The following PRSS8 variants were observed in gnomAD, a reference collection of about 807,000 sequenced individuals.
PRSS8 encodes prostasin.
A neutral mutation model predicts 26.7 loss-of-function variants in PRSS8; 11 were observed. That is an observed-to-expected ratio of 0.41 (90% CI 0.26 to 0.68). The LOEUF (loss-of-function observed/expected upper bound fraction) is 0.68, where lower values mean the gene tolerates loss of function less well. PRSS8 is among the 30% of genes least tolerant of loss of function. The pLI is 0.30. For synonymous variants in PRSS8, 183 were observed against 187.0 expected (o/e 0.98, Z 0.17); for missense variants, 362 against 443.5 (o/e 0.82, Z 1.65).
rs1290657278 is a variant in PRSS8, at chr16:31,132,714, G to C, written c.506C>G (p.Thr169Ser). Residue 169 changes from threonine (T) to serine (S), a missense_variant, in exon 4 of 6, where the codon ACT (threonine) becomes AGT (serine). By Grantham distance (58) the Thr-to-Ser change is moderately conservative. Coordinates refer to ENST00000317508, the MANE Select transcript of PRSS8 (RefSeq NM_002773.5). The surrounding 1 kb of genome is among the most constrained non-coding windows in gnomAD (Gnocchi z 5.2). ...GGCCACATGACCCCAGCCAGTGACA[G>C]TGCAGTGGAGGCCGTTGGGGAAGGA... Reference protein sequence around the residue: ...NASFPNGLHCTVTGWGHVAPS... With the variant: ...NASFPNGLHCSVTGWGHVAPS... 6.2e-7 allele frequency: 1 copy of C among 1,614,020 alleles called. No homozygotes were observed. Among genetic ancestry groups the C allele is most frequent in the East Asian group, 2.2e-5 (1 of 44,886 alleles).
intron 2 of PRSS8, 186 bp downstream of exon 2, chr16:31,134,968 G>C: frequency 1.5e-6 from 1 of 669,780 alleles, no homozygotes; most frequent in Non-Finnish European, 2.5e-6. Context: ...TTCACTGGCA[G>C]TGTGCCCTGG....
In PRSS8 at chr16:31,133,512, G is replaced by C; in HGVS notation, c.104-124C>G. 1 of 1,214,938 alleles carries C rather than the reference G, an allele frequency of 8.2e-7. No homozygotes were observed. Among genetic ancestry groups the C allele is most frequent in the African/African-American group, 1.5e-5 (1 of 66,296 alleles). The allele number at this position is 1,214,938 out of a possible 1,614,324, so 75.3% of individuals were successfully genotyped here. A position where few individuals can be genotyped will look rare whatever the true frequency, so the allele number is the denominator to read the frequency against. ...GTCAACACCCCTTTGTCCCCTCCCA[G>C]GCATGGGCAGTTGTGCCCCTTCTGT... On this transcript the variant is annotated intron_variant, in intron 2 of 5. Coordinates refer to ENST00000317508, the MANE Select transcript of PRSS8 (RefSeq NM_002773.5). The surrounding 1 kb of genome is among the most constrained non-coding windows in gnomAD (Gnocchi z 4.7).
Position 31,133,514 on chromosome 16 carries a change from C to T in PRSS8, c.104-126G>A. On this transcript the variant is annotated intron_variant, in intron 2 of 5. Coordinates refer to ENST00000317508, the MANE Select transcript of PRSS8 (RefSeq NM_002773.5). This position sits in a 1 kb window ranked among gnomAD's most constrained non-coding sequence, Gnocchi z 4.7. ...CAACACCCCTTTGTCCCCTCCCAGGCATGGGCAGTTGTGCCCCTTCTGTCC... is the reference window on the plus strand; with the variant it reads ...CAACACCCCTTTGTCCCCTCCCAGGTATGGGCAGTTGTGCCCCTTCTGTCC... 3 of 1,212,214 alleles carry T rather than the reference C, an allele frequency of 2.5e-6. No individual in the cohort carries two copies. The highest frequency in any genetic ancestry group is 2.3e-6 in the Non-Finnish European group (2 of 878,018). 75.1% of individuals were successfully genotyped at this position (1,212,214 alleles called of 1,614,324 possible).
chr16:31,135,494 G>A lies in PRSS8; in HGVS notation c.5C>T (p.Ala2Val). MAQKGVLGPGQL... is the reference protein window; with the variant it reads MVQKGVLGPGQL... ...CCCAGGCCCCAGGACCCCCTTCTGG[G>A]CCATGGCCCAGGACAAGGGCCCCTG... Residue 2 changes from alanine to valine, a missense_variant, in exon 1 of 6, where the codon GCC becomes GTC. Coordinates refer to ENST00000317508, the MANE Select transcript of PRSS8 (RefSeq NM_002773.5). The A allele has an allele frequency of 6.4e-7, 1 of 1,562,018 alleles. No homozygotes were observed.
rs781276370 is a variant in PRSS8 at position 31,133,789 on chromosome 16, C to T, written c.104-401G>A. Among the ~76,000 whole-genome samples, 1 of 152,194 alleles carries T rather than the reference C, an allele frequency of 6.6e-6. No homozygotes were observed. Among genetic ancestry groups the T allele is most frequent in the Non-Finnish European group, 1.5e-5 (1 of 68,032 alleles). ...ACATCAGGCCACACACTTGTTTACC[C>T]GGGACCTTGGCTGATCCAGGTCACT... On this transcript the variant is annotated intron_variant, in intron 2 of 5. Transcript: ENST00000317508. The surrounding 1 kb of genome is among the most constrained non-coding windows in gnomAD (Gnocchi z 4.7).
rs1209458884 is a variant in PRSS8 at position 31,132,199 on chromosome 16, A to G, written c.842T>C (p.Ile281Thr). 1 of 1,613,872 alleles carries G rather than the reference A, an allele frequency of 6.2e-7. No homozygotes were observed. The highest frequency in any genetic ancestry group is 8.5e-7 in the Non-Finnish European group (1 of 1,179,850). ...YTLASSYASWIQSKVTELQPR... is the reference protein window; with the variant it reads ...YTLASSYASWTQSKVTELQPR... ...CTGGAGTTCTGTCACCTTGCTTTGG[A>G]TCCAGGAGGCATAGCTGGAGGCCAG... Residue 281 changes from isoleucine (I) to threonine (T), a missense_variant, in exon 6 of 6, where the codon ATC becomes ACC. Ile to Thr is a moderately conservative substitution (Grantham distance 89). Coordinates refer to ENST00000317508, the MANE Select transcript of PRSS8 (RefSeq NM_002773.5). This position sits in a 1 kb window ranked among gnomAD's most constrained non-coding sequence, Gnocchi z 5.2.
In PRSS8 at chr16:31,132,100, G is replaced by C; in HGVS notation, c.941C>G (p.Ser314Cys). ...NLCGSHLAFSSAPAQGLLRPI... is the reference protein window; with the variant it reads ...NLCGSHLAFSCAPAQGLLRPI... ...CCTCAGCAAGCCCTGGGCTGGGGCAGAGCTGAAGGCCAGGTGGCTGCCACA... is the reference window on the plus strand; with the variant it reads ...CCTCAGCAAGCCCTGGGCTGGGGCACAGCTGAAGGCCAGGTGGCTGCCACA... The change falls in exon 6 of 6, where the codon TCT (serine) becomes TGT (cysteine). Residue 314 changes from serine to cysteine, a missense_variant. Coordinates refer to ENST00000317508, the MANE Select transcript of PRSS8 (RefSeq NM_002773.5). This position sits in a 1 kb window ranked among gnomAD's most constrained non-coding sequence, Gnocchi z 5.2. The C allele has an allele frequency of 6.2e-7, 1 of 1,611,272 alleles. No individual in the cohort carries two copies. Among genetic ancestry groups the C allele is most frequent in the Non-Finnish European group, 8.5e-7 (1 of 1,178,754 alleles).
chr16:31,135,116 C>T (rs765698474), intron 2 of PRSS8, 38 bp downstream of exon 2: 3 of 1,607,480 alleles, frequency 1.9e-6, no homozygotes, highest in Non-Finnish European at 2.6e-6. Flanking sequence ...TCCAAGTCAC[C>T]TCCCCCTCCC....
rs1300413852 is a variant in PRSS8, at chr16:31,131,945, C to T, written c.*64G>A. 2 of 1,453,488 alleles carry T rather than the reference C, an allele frequency of 1.4e-6. No homozygotes were observed. The highest frequency in any genetic ancestry group is 1.4e-5 in the African/African-American group (1 of 70,250). 90.0% of individuals were successfully genotyped at this position (1,453,488 alleles called of 1,614,324 possible). On this transcript the variant is annotated 3_prime_UTR_variant, in exon 6 of 6. Transcript: ENST00000317508. Reference sequence around the variant, plus strand: ...CAAGTCAGGCCCTGGGTCCAAAGGCCATCAGGGAAGGACCAGGCTCCTGTC... The same window carrying T: ...CAAGTCAGGCCCTGGGTCCAAAGGCTATCAGGGAAGGACCAGGCTCCTGTC...
In PRSS8 at chr16:31,133,501, G is replaced by T; in HGVS notation, c.104-113C>A. The T allele has an allele frequency of 7.5e-7, 1 of 1,330,236 alleles. No homozygotes were observed. Among genetic ancestry groups the T allele is most frequent in the Non-Finnish European group, 1.0e-6 (1 of 977,778 alleles). 82.4% of individuals were successfully genotyped at this position (1,330,236 alleles called of 1,614,324 possible). On this transcript the variant is annotated intron_variant, in intron 2 of 5. Coordinates refer to ENST00000317508, the MANE Select transcript of PRSS8 (RefSeq NM_002773.5). The surrounding 1 kb of genome is among the most constrained non-coding windows in gnomAD (Gnocchi z 4.7). The stretch of plus-strand genomic sequence containing the variant: ...GGTTCACAGGAGTCAACACCCCTTT[G>T]TCCCCTCCCAGGCATGGGCAGTTGT...
At position 31,133,221 on chromosome 16, in the gene PRSS8, G is replaced by A; in HGVS notation, c.266+5C>T. ...AGCCCACTTTTGACTTTCACCATTTGGTACCTGGGGAAGCAGTGAGCAGCT... is the reference window on the plus strand; with the variant it reads ...AGCCCACTTTTGACTTTCACCATTTAGTACCTGGGGAAGCAGTGAGCAGCT... On this transcript the variant is annotated splice_donor_5th_base_variant and intron_variant, in intron 3 of 5. Transcript: ENST00000317508. The surrounding 1 kb of genome is among the most constrained non-coding windows in gnomAD (Gnocchi z 4.7). 1 of 1,613,792 alleles carries A rather than the reference G, an allele frequency of 6.2e-7. No individual in the cohort carries two copies. The highest frequency in any genetic ancestry group is 8.5e-7 in the Non-Finnish European group (1 of 1,179,876).
Position 31,135,420 on chromosome 16 carries a change from C to G in PRSS8, c.79G>C (p.Gly27Arg). ...ILLYLGLLRS[G>R]TGAEGAEAPC... is the part of the protein sequence containing the mutation. ...CCCCCACGTCCTCACTTACCTGTCCCCGACCGGAGTAATCCAAGATAGAGC... is the reference window on the plus strand; with the variant it reads ...CCCCCACGTCCTCACTTACCTGTCCGCGACCGGAGTAATCCAAGATAGAGC... The change falls in exon 1 of 6, where the codon GGG (glycine) becomes CGG (arginine). Residue 27 changes from glycine to arginine, a missense_variant. By Grantham distance (125) the Gly-to-Arg change is moderately radical. Coordinates refer to ENST00000317508, the MANE Select transcript of PRSS8 (RefSeq NM_002773.5). 6.3e-7 allele frequency: 1 copy of G among 1,593,992 alleles called. No homozygotes were observed. Among genetic ancestry groups the G allele is most frequent in the Non-Finnish European group, 8.5e-7 (1 of 1,170,836 alleles).
At position 31,133,629 on chromosome 16, in the gene PRSS8, A is replaced by G. The variant is rs1042648786; in HGVS notation, c.104-241T>C. Among the ~76,000 whole-genome samples, 6 of 152,158 alleles carry G rather than the reference A, an allele frequency of 3.9e-5. No individual in the cohort carries two copies. The highest frequency in any genetic ancestry group is 7.4e-5 in the Non-Finnish European group (5 of 68,022). ...GCCCCTTACAAGTCTGAAGATTTTC[A>G]TAAACCCCCAATCTGACCAGGCCAC... On this transcript the variant is annotated intron_variant, in intron 2 of 5. Transcript: ENST00000317508. This position sits in a 1 kb window ranked among gnomAD's most constrained non-coding sequence, Gnocchi z 4.7.
Position 31,132,850 on chromosome 16 carries a change from G to T in PRSS8, c.370C>A (p.Pro124Thr). 6.2e-7 allele frequency: 1 copy of T among 1,613,894 alleles called. No individual in the cohort carries two copies. Among genetic ancestry groups the T allele is most frequent in the Non-Finnish European group, 8.5e-7 (1 of 1,179,864 alleles). Residue 124 changes from proline (P) to threonine (T), a missense_variant, in exon 4 of 6, where the codon CCC becomes ACC. By Grantham distance (38) the Pro-to-Thr change is conservative. Transcript: ENST00000317508. This position sits in a 1 kb window ranked among gnomAD's most constrained non-coding sequence, Gnocchi z 5.2. ...VSTLKDIIPH[P>T]SYLQEGSQGD... ...TGGGAGCCCTCCTGGAGGTAGCTGG[G>T]GTGGGGGATGATGTCCTTCAGGGTG...
Position 31,131,939 on chromosome 16 carries a change from A to G in PRSS8, c.*70T>C. 3 of 1,443,012 alleles carry G rather than the reference A, an allele frequency of 2.1e-6. No individual in the cohort carries two copies. Among genetic ancestry groups the G allele is most frequent in the Non-Finnish European group, 1.8e-6 (2 of 1,086,360 alleles). 89.4% of individuals were successfully genotyped at this position (1,443,012 alleles called of 1,614,324 possible). ...GTGGCTCAAGTCAGGCCCTGGGTCCAAAGGCCATCAGGGAAGGACCAGGCT... is the reference window on the plus strand; with the variant it reads ...GTGGCTCAAGTCAGGCCCTGGGTCCGAAGGCCATCAGGGAAGGACCAGGCT... On this transcript the variant is annotated 3_prime_UTR_variant, in exon 6 of 6. Transcript: ENST00000317508.
In PRSS8 at chr16:31,135,595, G is replaced by A. The variant is rs966451176; in HGVS notation, c.-97C>T. 9 of 1,072,980 alleles carry A rather than the reference G, an allele frequency of 8.4e-6. No individual in the cohort carries two copies. The highest frequency in any genetic ancestry group is 1.2e-5 in the Non-Finnish European group (9 of 754,748). 66.5% of individuals were successfully genotyped at this position (1,072,980 alleles called of 1,614,324 possible). A position where few individuals can be genotyped will look rare whatever the true frequency, so the allele number is the denominator to read the frequency against. ...CAGGACCCAGATGTTGGCTCAGAGG[G>A]AAGGATCCCAGAATCCGGGCTGGAA... On this transcript the variant is annotated 5_prime_UTR_variant, in exon 1 of 6. Transcript: ENST00000317508.
Position 31,133,637 on chromosome 16 carries a change from C to T in PRSS8, c.104-249G>A, listed in dbSNP as rs2057592299. Among the ~76,000 whole-genome samples, 1 of 152,210 alleles carries T rather than the reference C, an allele frequency of 6.6e-6. No homozygotes were observed. Among genetic ancestry groups the T allele is most frequent in the South Asian group, 2.1e-4 (1 of 4,834 alleles). On this transcript the variant is annotated intron_variant, in intron 2 of 5. Coordinates refer to ENST00000317508, the MANE Select transcript of PRSS8 (RefSeq NM_002773.5). The surrounding 1 kb of genome is among the most constrained non-coding windows in gnomAD (Gnocchi z 4.7). The stretch of plus-strand genomic sequence containing the variant: ...CAAGTCTGAAGATTTTCATAAACCC[C>T]CAATCTGACCAGGCCACAGCCCTGC...
chr16:31,134,002 C>T (rs1424743454), intron 2 of PRSS8: 1 of 161,178 alleles, frequency 6.2e-6, no homozygotes, highest in Non-Finnish European at 1.4e-5. Context: ...CACAATTGTT[C>T]CGGAGTCCAC....
chr16:31,135,602 C>T lies in PRSS8; in HGVS notation c.-104G>A. 9.7e-7 allele frequency: 1 copy of T among 1,026,376 alleles called. No individual in the cohort carries two copies. The highest frequency in any genetic ancestry group is 1.4e-6 in the Non-Finnish European group (1 of 712,746). 63.6% of individuals were successfully genotyped at this position (1,026,376 alleles called of 1,614,324 possible). A position where few individuals can be genotyped will look rare whatever the true frequency, so the allele number is the denominator to read the frequency against. On this transcript the variant is annotated 5_prime_UTR_variant, in exon 1 of 6. Transcript: ENST00000317508. ...CAGATGTTGGCTCAGAGGGAAGGATCCCAGAATCCGGGCTGGAAAGGGGCA... is the reference window on the plus strand; with the variant it reads ...CAGATGTTGGCTCAGAGGGAAGGATTCCAGAATCCGGGCTGGAAAGGGGCA...
Sources: gnomAD v4.1 joint callset for allele counts (sites outside exome capture counted in the v4.1 genomes callset) on GRCh38, gnomAD v4.1.1 for gene constraint, Gnocchi (gnomAD v3.1) non-coding constraint, MANE v1.5 for transcripts, NCBI Gene and HGNC (gene_info 2026-07-23, HGNC 2026-07-21) for gene names.